Variants in MEGF11 observed in about 807,000 individuals in gnomAD.
MEGF11 encodes multiple EGF like domains 11.
A neutral mutation model predicts 146.6 loss-of-function variants in MEGF11; 126 were observed. The ratio of observed to expected loss-of-function variants is 0.86; its 90% CI spans 0.74 to 1.00. The LOEUF is 1.00. Among genes scored for constraint, MEGF11 ranks in the 50% least tolerant of loss-of-function variants. MEGF11 has a pLI of 0.00. For synonymous variants in MEGF11, 532 were observed against 583.4 expected (o/e 0.91, Z 1.27); for missense variants, 1,509 against 1,521.2 (o/e 0.99, Z 0.13).
intron 1 of MEGF11, among the ~76,000 whole-genome samples, chr15:66,147,470 G>T (rs925777263): frequency 1.3e-5 from 2 of 152,202 alleles, no homozygotes; most frequent in African/African-American, 4.8e-5. Context: ...CCTGTGGTTT[G>T]GTCTCCTCCC....
intron 1 of MEGF11, among the ~76,000 whole-genome samples, chr15:66,223,904 T>TC (rs1422560751): frequency 6.6e-6 from 1 of 152,092 alleles, no homozygotes; most frequent in African/African-American, 2.4e-5. Context: ...CTCCTGTACG[T>TC]CCCCCTCCTT....
In MEGF11 at chr15:66,028,001, G is replaced by A. The variant is rs60893342; in HGVS notation, c.395-45513C>T. 4.8e-3 allele frequency among the ~76,000 whole-genome samples: 731 copies of A among 152,308 alleles called. 7 individuals are homozygous for A. The highest frequency in any genetic ancestry group is 0.017 in the African/African-American group (700 of 41,556). On this transcript the variant is annotated intron_variant, in intron 5 of 25. Coordinates refer to ENST00000395614, the MANE Select transcript of MEGF11 (RefSeq NM_001385028.1). Reference sequence around the variant, plus strand: ...AGGGAAACCCTCTGAAAAGAGGGACGTAGCACACAGATGCAAGGTGCTCTG... The same window carrying A: ...AGGGAAACCCTCTGAAAAGAGGGACATAGCACACAGATGCAAGGTGCTCTG...
intron 5 of MEGF11, among the ~76,000 whole-genome samples, chr15:65,988,423 A>C (rs988906790): frequency 6.6e-6 from 1 of 152,220 alleles, no homozygotes; most frequent in Non-Finnish European, 1.5e-5. Context: ...AGGTTCATCC[A>C]TGTTGTAGCC....
At chr15:65,918,531 C>G (rs962907225) in intron 15 of MEGF11, among the ~76,000 whole-genome samples, 1 of 152,220 alleles carries the variant, frequency 6.6e-6, no homozygotes, top group African/African-American at 2.4e-5. Flanking sequence ...TACAGCTGGA[C>G]AGAGAGGGAC....
chr15:66,089,930 C>T (rs1449462078), intron 5 of MEGF11, among the ~76,000 whole-genome samples: 2 of 152,134 alleles, frequency 1.3e-5, no homozygotes, highest in Non-Finnish European at 2.9e-5. Context: ...TTCTTTTACT[C>T]TTCATTGTTA....
intron 1 of MEGF11, among the ~76,000 whole-genome samples, chr15:66,208,657 A>G (rs12903386): frequency 0.48 from 72,751 of 151,238 alleles, 17,891 homozygotes; most frequent in African/African-American, 0.51. Flanking sequence ...CAAGGTGGGC[A>G]GATCACCTGA....
chr15:65,933,361 T>C (rs2079646369), intron 10 of MEGF11, among the ~76,000 whole-genome samples: 1 of 152,226 alleles, frequency 6.6e-6, no homozygotes, highest in African/African-American at 2.4e-5. Context: ...CAGAAGGGGT[T>C]TCTCTCCCAG....
At chr15:66,044,837 T>G (rs1386894689) in intron 5 of MEGF11, among the ~76,000 whole-genome samples, 1 of 102,578 alleles carries the variant, frequency 9.7e-6, no homozygotes, top group African/African-American at 4.1e-5. Flanking sequence ...TGGATGACAG[T>G]GAGACCTTAT....
chr15:66,017,264 G>A (rs1431584789), intron 5 of MEGF11, among the ~76,000 whole-genome samples: 1 of 152,188 alleles, frequency 6.6e-6, no homozygotes, highest in South Asian at 2.1e-4. Flanking sequence ...AGCCACCTCA[G>A]GGAACTGCTG....
chr15:66,207,804 C>T (rs775581811), intron 1 of MEGF11, among the ~76,000 whole-genome samples: 26 of 152,030 alleles, frequency 1.7e-4, no homozygotes, highest in African/African-American at 5.8e-4. Flanking sequence ...AAGGAGAGGC[C>T]GGGAATGGTG....
intron 1 of MEGF11, among the ~76,000 whole-genome samples, chr15:66,163,923 G>A (rs1326177716): frequency 6.6e-6 from 1 of 152,170 alleles, no homozygotes; most frequent in Non-Finnish European, 1.5e-5. Context: ...TGTGGGTGGA[G>A]GGCAAGAGAG....
At chr15:66,107,064 C>CCG (rs1555471326) in intron 4 of MEGF11, among the ~76,000 whole-genome samples, 1 of 148,234 alleles carries the variant, frequency 6.7e-6, no homozygotes, top group Non-Finnish European at 1.5e-5. Flanking sequence ...ACCCCCCCAC[C>CCG]AGGTATAGAC....
At chr15:66,137,913 G>T (rs1178399803) in intron 1 of MEGF11, among the ~76,000 whole-genome samples, 1 of 152,038 alleles carries the variant, frequency 6.6e-6, no homozygotes, top group Non-Finnish European at 1.5e-5. Context: ...TCAAAAACCA[G>T]CCAGGCACAG....
In MEGF11 at chr15:66,123,961, G is replaced by A. The variant is rs773497740; in HGVS notation, c.138C>T (p.Phe46=). Residue 46 remains phenylalanine (F), a synonymous_variant, in exon 3 of 26, where the codon TTC becomes TTT. Transcript: ENST00000395614. ...VTVQESYAHP[F]DQIYYTRCTD... ...TGCATCGTGTGTAATAGATCTGATC[G>A]AAGGGGTGTGCATACGATTCCTGGA... The A allele has an allele frequency of 8.1e-6, 13 of 1,613,878 alleles. No individual in the cohort carries two copies. The highest frequency in any genetic ancestry group is 3.3e-5 in the Admixed American group (2 of 60,006).
At chr15:66,170,027 A>G (rs63336465) in intron 1 of MEGF11, among the ~76,000 whole-genome samples, 3 of 148,478 alleles carry the variant, frequency 2.0e-5, no homozygotes, top group African/African-American at 7.4e-5. Context: ...AAAAAAAAAA[A>G]TTCCAGAATG....
At chr15:65,985,391 G>T (rs747519008) in intron 5 of MEGF11, among the ~76,000 whole-genome samples, 5 of 151,710 alleles carry the variant, frequency 3.3e-5, no homozygotes, top group Admixed American at 6.6e-5. Context: ...ACAGAGACTA[G>T]CCACTTCTTC....
intron 5 of MEGF11, among the ~76,000 whole-genome samples, chr15:66,070,644 G>A (rs773797847): frequency 9.9e-5 from 15 of 152,222 alleles, no homozygotes; most frequent in Non-Finnish European, 1.9e-4. Context: ...TAAGGTGAAC[G>A]TCATCTTACG....
chr15:66,208,634 CACT>C (rs1193001022), intron 1 of MEGF11, among the ~76,000 whole-genome samples: 1 of 152,000 alleles, frequency 6.6e-6, no homozygotes, highest in Non-Finnish European at 1.5e-5. Context: ...GTAATCTCAG[CACT>C]TTGGGAGGTC....
chr15:66,140,398 A>C (rs2089087313), intron 1 of MEGF11, among the ~76,000 whole-genome samples: 1 of 148,386 alleles, frequency 6.7e-6, no homozygotes. Context: ...CTGGAGGCAA[A>C]ATGGAGGCAG....
Sources: gnomAD v4.1 joint callset for allele counts (sites outside exome capture counted in the v4.1 genomes callset) on GRCh38, gnomAD v4.1.1 for gene constraint, MANE v1.5 for transcripts, NCBI Gene and HGNC (gene_info 2026-07-23, HGNC 2026-07-21) for gene names.